Variants in ZRANB3 observed in about 807,000 individuals in gnomAD.
The protein encoded by ZRANB3 is zinc finger RANBP2-type containing 3.
A neutral mutation model predicts 133.8 loss-of-function variants in ZRANB3; 125 were observed. The ratio of observed to expected loss-of-function variants is 0.93; its 90% CI spans 0.81 to 1.08. The LOEUF is 1.08. Ranked by LOEUF, ZRANB3 falls within the 50% of genes least tolerant of loss-of-function variation. The pLI, the probability that ZRANB3 is intolerant of heterozygous loss-of-function variation, is 0.00. For synonymous variants in ZRANB3, 387 were observed against 432.7 expected (o/e 0.89, Z 1.31); for missense variants, 1,229 against 1,275.5 (o/e 0.96, Z 0.56).
chr2:135,260,342 T>G (rs1044308621), intron 12 of ZRANB3, among the ~76,000 whole-genome samples: 6 of 152,160 alleles, frequency 3.9e-5, no homozygotes, highest in South Asian at 2.1e-4. Flanking sequence ...AAGGCAAGAC[T>G]GCTTACTTAT....
intron 6 of ZRANB3, among the ~76,000 whole-genome samples, chr2:135,317,763 G>A (rs968329734): frequency 6.6e-5 from 10 of 152,152 alleles, no homozygotes; most frequent in Non-Finnish European, 1.0e-4. Flanking sequence ...TAGTTGCCTC[G>A]TGGGTCTTAT....
chr2:135,423,559 C>T (rs745510701), intron 2 of ZRANB3, among the ~76,000 whole-genome samples: 6 of 152,210 alleles, frequency 3.9e-5, no homozygotes, highest in Non-Finnish European at 7.3e-5. Context: ...ACCTTATTTT[C>T]AAAGAAAGTC....
intron 2 of ZRANB3, among the ~76,000 whole-genome samples, chr2:135,500,756 T>TAAAA (rs760594100): frequency 5.4e-5 from 4 of 73,628 alleles, no homozygotes; most frequent in Non-Finnish European, 5.7e-5. Flanking sequence ...TACATATCAG[T>TAAAA]AAAAAAAAAA....
intron 3 of ZRANB3, among the ~76,000 whole-genome samples, chr2:135,377,743 G>C (rs1686491165): frequency 6.6e-6 from 1 of 152,182 alleles, no homozygotes; most frequent in Non-Finnish European, 1.5e-5. Flanking sequence ...ATTTACTCCA[G>C]CTTTGTGATG....
At chr2:135,302,991 A>T (rs1463637857) in intron 8 of ZRANB3, among the ~76,000 whole-genome samples, 1 of 152,238 alleles carries the variant, frequency 6.6e-6, no homozygotes, top group Non-Finnish European at 1.5e-5. Flanking sequence ...ACAACAGTCA[A>T]AGAAAAAAAT....
chr2:135,441,698 CCAGAATTAAGT>C (rs1281140056), intron 2 of ZRANB3, among the ~76,000 whole-genome samples: 2 of 151,720 alleles, frequency 1.3e-5, no homozygotes, highest in African/African-American at 2.4e-5. Context: ...CTATATTTTA[CCAGAATTAAGT>C]CAGAATTAAG....
intron 3 of ZRANB3, among the ~76,000 whole-genome samples, chr2:135,362,800 G>A (rs1325426049): frequency 6.6e-6 from 1 of 152,076 alleles, no homozygotes; most frequent in East Asian, 1.9e-4. Flanking sequence ...GAGCAAACGT[G>A]TTTTAAGAAT....
intron 2 of ZRANB3, among the ~76,000 whole-genome samples, chr2:135,453,683 A>G (rs1160606794): frequency 2.0e-5 from 3 of 152,168 alleles, no homozygotes; most frequent in Non-Finnish European, 4.4e-5. Context: ...CCTCATCTCC[A>G]TCTGAGACCA....
Position 135,453,996 on chromosome 2 carries a change from T to A in ZRANB3, c.161+50333A>T, listed in dbSNP as rs148703333. ...AATTGGACTTACGGTTCCACATGAC[T>A]GGGGAGGCCTCAGAATTATGACAGG... On this transcript the variant is annotated intron_variant, in intron 2 of 20. Transcript: ENST00000264159. Among the ~76,000 whole-genome samples, 324 of 152,362 alleles carry A rather than the reference T, an allele frequency of 2.1e-3. 4 individuals are homozygous for A. Among genetic ancestry groups the A allele is most frequent in the African/African-American group, 7.6e-3 (315 of 41,584 alleles).
intron 11 of ZRANB3, among the ~76,000 whole-genome samples, chr2:135,267,014 C>A (rs1005889650): frequency 1.8e-4 from 27 of 152,276 alleles, no homozygotes; most frequent in Middle Eastern, 3.4e-3. Context: ...TGTAGCCCAA[C>A]CATCTAAGGC....
chr2:135,372,735 C>G (rs1443149176), intron 3 of ZRANB3, among the ~76,000 whole-genome samples: 1 of 143,824 alleles, frequency 7.0e-6, no homozygotes, highest in Non-Finnish European at 1.5e-5. Context: ...TGCAGTAAGC[C>G]AAGATTGCGC....
intron 2 of ZRANB3, among the ~76,000 whole-genome samples, chr2:135,453,061 A>C (rs530146953): frequency 1.3e-5 from 2 of 152,358 alleles, no homozygotes; most frequent in Non-Finnish European, 1.5e-5. Flanking sequence ...TCTGAAATCT[A>C]GGCAGGGATT....
chr2:135,504,463 CTT>C lies in ZRANB3; in HGVS notation c.25_26del (p.Lys9ValfsTer12), dbSNP rs1356660001. 3 of 1,612,790 alleles carry C rather than the reference CTT, an allele frequency of 1.9e-6. No individual in the cohort carries two copies. Among genetic ancestry groups the C allele is most frequent in the Non-Finnish European group, 2.5e-6 (3 of 1,179,548 alleles). ...CACAAGAAATGTGAGGTGTAAGAGA[CTT>C]TTTTATGTTATGAACCCTAGGCATG... MPRVHNIK[K>X]SLTPHISCVT... is the part of the protein sequence containing the mutation. On this transcript the variant is annotated frameshift_variant, in exon 2 of 21. Coordinates refer to ENST00000264159, the MANE Select transcript of ZRANB3 (RefSeq NM_032143.4). LOFTEE classifies it high-confidence loss of function.
Position 135,345,560 on chromosome 2 carries a change from C to T in ZRANB3, c.667G>A (p.Ala223Thr), listed in dbSNP as rs1317968813. 6.2e-7 allele frequency: 1 copy of T among 1,611,176 alleles called. No homozygotes were observed. Among genetic ancestry groups the T allele is most frequent in the South Asian group, 1.1e-5 (1 of 90,552 alleles). Reference protein sequence around the residue: ...WTDYAKRYCNAHIRYFGKRPQ... With the variant: ...WTDYAKRYCNTHIRYFGKRPQ... ...AATAGTTTAACTTACCTGATGTGTG[C>T]ATTACAGTATCTTTTTGCATAGTCG... The change falls in exon 6 of 21, where the codon GCA becomes ACA. Residue 223 changes from alanine to threonine, a missense_variant. Ala to Thr is a moderately conservative substitution (Grantham distance 58). Transcript: ENST00000264159.
At chr2:135,510,507 A>G in intron 1 of ZRANB3, 1 of 594,002 alleles carries the variant, frequency 1.7e-6, no homozygotes, top group Non-Finnish European at 3.1e-6. Flanking sequence ...ATTCTGTAGG[A>G]GCTAGGGTTT....
At chr2:135,405,456 T>G (rs1687966126) in intron 2 of ZRANB3, among the ~76,000 whole-genome samples, 1 of 152,204 alleles carries the variant, frequency 6.6e-6, no homozygotes, top group Non-Finnish European at 1.5e-5. Flanking sequence ...AATACAGCTC[T>G]GCACCAAGCG....
At chr2:135,529,321 T>A (rs1694297662) in intron 1 of ZRANB3, among the ~76,000 whole-genome samples, 1 of 152,216 alleles carries the variant, frequency 6.6e-6, no homozygotes, top group Non-Finnish European at 1.5e-5. Context: ...GTACCTTAAA[T>A]GGAATGTCCA....
Position 135,199,973 on chromosome 2 carries a change from A to G in ZRANB3, c.*369T>C, listed in dbSNP as rs1255610021. Reference sequence around the variant, plus strand: ...GCAATGTTCCACTCATACCTATGACAGTCCAGAACAATACTAATCCAGAAG... The same window carrying G: ...GCAATGTTCCACTCATACCTATGACGGTCCAGAACAATACTAATCCAGAAG... On this transcript the variant is annotated 3_prime_UTR_variant, in exon 21 of 21. Transcript: ENST00000264159. 7.1e-6 allele frequency: 2 copies of G among 280,786 alleles called. No individual in the cohort carries two copies. The highest frequency in any genetic ancestry group is 6.9e-6 in the Non-Finnish European group (1 of 144,294). 17.4% of individuals were successfully genotyped at this position (280,786 alleles called of 1,614,324 possible). A position where few individuals can be genotyped will look rare whatever the true frequency, so the allele number is the denominator to read the frequency against.
chr2:135,516,024 A>G (rs1351434303), intron 1 of ZRANB3, among the ~76,000 whole-genome samples: 3 of 152,018 alleles, frequency 2.0e-5, no homozygotes, highest in South Asian at 2.1e-4. Flanking sequence ...TCCCTTTGCC[A>G]TTATGTAATG....
Sources: gnomAD v4.1 joint callset for allele counts (sites outside exome capture counted in the v4.1 genomes callset) on GRCh38, gnomAD v4.1.1 for gene constraint, MANE v1.5 for transcripts, NCBI Gene and HGNC (gene_info 2026-07-23, HGNC 2026-07-21) for gene names.